The following EYA2 variants were observed in gnomAD, a reference collection of about 807,000 sequenced individuals.
EYA2 encodes the protein EYA transcriptional coactivator and phosphatase 2, also known as protein phosphatase EYA2.
In EYA2, 31 loss-of-function variants were observed where a neutral mutation model predicts 69.2. The ratio of observed to expected loss-of-function variants is 0.45; its 90% confidence interval spans 0.34 to 0.60. EYA2 has a LOEUF of 0.60. EYA2 is among the 20% of genes least tolerant of loss of function. The pLI, the probability that EYA2 is intolerant of heterozygous loss-of-function variation, is 0.02. For missense variants in EYA2, 622 were observed against 701.2 expected, an observed-to-expected ratio of 0.89 and a Z score of 1.28; for synonymous variants, 257 against 279.4, an observed-to-expected ratio of 0.92 and a Z score of 0.80.
chr20:47,063,928 A>G lies in EYA2; in HGVS notation c.416-8257A>G, dbSNP rs182363255. Among the ~76,000 whole-genome samples the G allele has an allele frequency of 8.4e-3, 1,286 of 152,296 alleles. 10 individuals are homozygous for G. The highest frequency in any genetic ancestry group is 0.014 in the Middle Eastern group (4 of 294). Reference sequence around the variant, plus strand: ...CATTTTGTCCAATCCTTTGTTCAAAATGTCAAGAACCTGGGCGACTAATAG... The same window carrying G: ...CATTTTGTCCAATCCTTTGTTCAAAGTGTCAAGAACCTGGGCGACTAATAG... On this transcript the variant is annotated intron_variant, in intron 5 of 15. Transcript: ENST00000327619.
chr20:46,983,793 CT>C (rs1205182336), intron 1 of EYA2, among the ~76,000 whole-genome samples: 8 of 152,110 alleles, frequency 5.3e-5, no homozygotes, highest in Non-Finnish European at 1.5e-5. Context: ...TAAGCTGTTG[CT>C]TTTTTTCTTC....
intron 1 of EYA2, among the ~76,000 whole-genome samples, chr20:46,951,231 G>A (rs1224316203): frequency 6.6e-6 from 1 of 152,160 alleles, no homozygotes; most frequent in Non-Finnish European, 1.5e-5. Flanking sequence ...TAGTGGAATG[G>A]TTTCCTGATA....
chr20:47,170,962 T>A (rs901268143), intron 11 of EYA2, among the ~76,000 whole-genome samples: 2 of 152,234 alleles, frequency 1.3e-5, no homozygotes, highest in African/African-American at 2.4e-5. Context: ...TCGGAAGTGA[T>A]CAGCCGGCAG....
chr20:46,932,840 C>G (rs573162331), intron 1 of EYA2, among the ~76,000 whole-genome samples: 1 of 152,060 alleles, frequency 6.6e-6, no homozygotes, highest in Non-Finnish European at 1.5e-5. Flanking sequence ...GAGCCGAGAT[C>G]GAGCCACTGC....
intron 1 of EYA2, among the ~76,000 whole-genome samples, chr20:46,966,181 G>C (rs370846512): frequency 6.6e-5 from 10 of 152,218 alleles, no homozygotes; most frequent in African/African-American, 2.4e-4. Flanking sequence ...ACTCAGGCTG[G>C]AGTGCAGTGG....
At chr20:47,097,291 G>C in intron 9 of EYA2, 123 bp downstream of exon 9, 1 of 708,512 alleles carries the variant, frequency 1.4e-6, no homozygotes, top group East Asian at 2.9e-5. Flanking sequence ...CTGCCCTTTG[G>C]GGTCAGCCCA....
intron 1 of EYA2, among the ~76,000 whole-genome samples, chr20:46,946,388 C>G (rs1978458294): frequency 6.6e-6 from 1 of 152,164 alleles, no homozygotes. Flanking sequence ...CAAAATCTCC[C>G]CAGGGTGCAG....
chr20:47,059,178 G>A (rs1568751848), intron 5 of EYA2, among the ~76,000 whole-genome samples: 1 of 152,142 alleles, frequency 6.6e-6, no homozygotes, highest in Admixed American at 6.5e-5. Flanking sequence ...GGTGAGCGGG[G>A]AGGGACCGGC....
intron 5 of EYA2, among the ~76,000 whole-genome samples, chr20:47,027,423 A>G (rs755700600): frequency 1.3e-5 from 2 of 152,136 alleles, no homozygotes. Flanking sequence ...TTCCCCATGC[A>G]TGTCAGCATT....
chr20:46,952,909 A>G (rs1001265005), intron 1 of EYA2, among the ~76,000 whole-genome samples: 1 of 152,236 alleles, frequency 6.6e-6, no homozygotes, highest in Admixed American at 6.5e-5. Context: ...GAAACTCTCT[A>G]TCAGGAGTCG....
intron 5 of EYA2, among the ~76,000 whole-genome samples, chr20:47,038,090 T>C (rs376048476): frequency 6.6e-5 from 10 of 152,216 alleles, no homozygotes; most frequent in African/African-American, 2.4e-4. Context: ...TTTTTAATTT[T>C]AAGTAAAATT....
chr20:47,130,261 C>CTTTTCTTTTTTTTTTTTTTTT (rs2033305670), intron 9 of EYA2, among the ~76,000 whole-genome samples: 1 of 81,260 alleles, frequency 1.2e-5, no homozygotes, highest in African/African-American at 5.8e-5. Context: ...GGTTTATTTT[C>CTTTTCTTTTTTTTTTTTTTTT]TTTTTTTTTT....
intron 5 of EYA2, among the ~76,000 whole-genome samples, chr20:47,024,563 C>T (rs925430561): frequency 1.3e-5 from 2 of 152,196 alleles, no homozygotes; most frequent in Non-Finnish European, 2.9e-5. Flanking sequence ...ACCTCCAGAG[C>T]GCTCCCAGCA....
At chr20:47,133,962 G>C (rs145112373) in intron 9 of EYA2, among the ~76,000 whole-genome samples, 284 of 152,366 alleles carry the variant, frequency 1.9e-3, no homozygotes, top group African/African-American at 6.7e-3. Context: ...AAGTGGAAGT[G>C]CATGGTGTGG....
intron 5 of EYA2, among the ~76,000 whole-genome samples, chr20:47,049,710 A>G (rs1245626809): frequency 6.6e-6 from 1 of 151,846 alleles, no homozygotes; most frequent in Non-Finnish European, 1.5e-5. Context: ...ATGCTTGTAC[A>G]GCCTGCAGGA....
chr20:47,135,828 AAAAAAAAAAAAAACAAACAAACAAAC>A (rs1461960201), intron 9 of EYA2, among the ~76,000 whole-genome samples: 1,886 of 86,988 alleles, frequency 0.022, 92 homozygotes, highest in African/African-American at 0.11. Flanking sequence ...CAAAAAAAAA[AAAAAAAAAAAAAACAAACAAACAAAC>A]AAAAAACTAA....
chr20:46,975,448 T>C (rs935696963), intron 1 of EYA2, among the ~76,000 whole-genome samples: 13 of 152,172 alleles, frequency 8.5e-5, no homozygotes, highest in Admixed American at 7.9e-4. Context: ...AGCAGGAGGA[T>C]TGCTGGAGCC....
At chr20:47,091,744 C>CA (rs1347097828) in intron 8 of EYA2, among the ~76,000 whole-genome samples, 2 of 151,466 alleles carry the variant, frequency 1.3e-5, no homozygotes, top group Non-Finnish European at 2.9e-5. Flanking sequence ...GAACCTATCT[C>CA]AAAAAAAAGA....
At chr20:47,028,656 A>G (rs1373075960) in intron 5 of EYA2, among the ~76,000 whole-genome samples, 2 of 152,272 alleles carry the variant, frequency 1.3e-5, no homozygotes, top group East Asian at 3.8e-4. Context: ...GAGATGGACA[A>G]TAATCCAATG....
Sources: gnomAD v4.1 joint callset for allele counts (sites outside exome capture counted in the v4.1 genomes callset) on GRCh38, gnomAD v4.1.1 for gene constraint, MANE v1.5 for transcripts, NCBI Gene and HGNC (gene_info 2026-07-23, HGNC 2026-07-21) for gene names.